The following KANK1 variants were observed in gnomAD, a reference collection of about 807,000 sequenced individuals.
KANK1 encodes KN motif and ankyrin repeat domain-containing protein 1.
KANK1 carries 109 observed loss-of-function variants against 106.2 expected under a neutral mutation model. That is an observed-to-expected ratio of 1.03 (90% CI 0.88 to 1.20). KANK1 has a LOEUF of 1.20. Ranked by LOEUF, KANK1 falls within the 50% of genes most tolerant of loss-of-function variation. The pLI, the probability that KANK1 is intolerant of heterozygous loss-of-function variation, is 0.00. For missense variants in KANK1, 2,399 were observed against 1,710.7 expected, an observed-to-expected ratio of 1.40 and a Z score of -7.10; for synonymous variants, 873 against 652.2, an observed-to-expected ratio of 1.34 and a Z score of -5.16.
In KANK1 at chr9:646,945, G is replaced by A. The variant is rs541864071; in HGVS notation, c.-83-29945G>A. Among the ~76,000 whole-genome samples, 248 of 150,720 alleles carry A rather than the reference G, an allele frequency of 1.6e-3. 2 individuals carry two copies. Among genetic ancestry groups the A allele is most frequent in the Admixed American group, 3.0e-3 (46 of 15,236 alleles). On this transcript the variant is annotated intron_variant, in intron 1 of 11. Transcript: ENST00000382297. ...ACTCCTGACCTGAAGTAATCCACCC[G>A]CCTCAGCCTCCCAAAGTATTGGGAT...
chr9:655,522 T>G (rs1205567016), intron 1 of KANK1, among the ~76,000 whole-genome samples: 1 of 152,164 alleles, frequency 6.6e-6, no homozygotes, highest in East Asian at 1.9e-4. Context: ...ACAAATCACC[T>G]GGGGGTCTTG....
chr9:625,831 G>C (rs1249301070), intron 1 of KANK1, among the ~76,000 whole-genome samples: 1 of 152,114 alleles, frequency 6.6e-6, no homozygotes, highest in Non-Finnish European at 1.5e-5. Flanking sequence ...TGACAGTTTA[G>C]CCTCTTTCTA....
chr9:558,075 G>A (rs1476866640), intron 1 of KANK1, among the ~76,000 whole-genome samples: 1 of 152,198 alleles, frequency 6.6e-6, no homozygotes, highest in South Asian at 2.1e-4. Flanking sequence ...GATCGGATTA[G>A]TCAGATGCTG....
chr9:656,268 A>T (rs1026731906), intron 1 of KANK1, among the ~76,000 whole-genome samples: 1 of 152,128 alleles, frequency 6.6e-6, no homozygotes, highest in South Asian at 2.1e-4. Context: ...TCAGAAGGAG[A>T]GAGGGAGAGA....
At chr9:594,129 T>A (rs1250879487) in intron 1 of KANK1, among the ~76,000 whole-genome samples, 1 of 151,538 alleles carries the variant, frequency 6.6e-6, no homozygotes, top group Non-Finnish European at 1.5e-5. Flanking sequence ...TTGTTGGGGG[T>A]TTTCACAGTA....
intron 1 of KANK1, among the ~76,000 whole-genome samples, chr9:652,227 G>T (rs1841044918): frequency 6.6e-6 from 1 of 152,122 alleles, no homozygotes; most frequent in Non-Finnish European, 1.5e-5. Context: ...TCATCAGAGT[G>T]TTTGCAGTGT....
chr9:499,065 C>A (rs1304289695), intron 3 of KANK1, among the ~76,000 whole-genome samples: 2 of 151,838 alleles, frequency 1.3e-5, no homozygotes, highest in Admixed American at 1.3e-4. Flanking sequence ...GTAGTCCCAG[C>A]TACTCGGGAG....
chr9:641,399 C>T (rs770132933), intron 1 of KANK1, among the ~76,000 whole-genome samples: 3 of 152,198 alleles, frequency 2.0e-5, no homozygotes, highest in Non-Finnish European at 4.4e-5. Flanking sequence ...GAACATCCAT[C>T]TTGGTGGTGA....
At chr9:624,373 G>C (rs950350596) in intron 1 of KANK1, among the ~76,000 whole-genome samples, 2 of 152,092 alleles carry the variant, frequency 1.3e-5, no homozygotes, top group African/African-American at 4.8e-5. Context: ...TGATTAATTT[G>C]ATTATGGGAA....
At chr9:580,403 A>G (rs1447589118) in intron 1 of KANK1, among the ~76,000 whole-genome samples, 2 of 152,204 alleles carry the variant, frequency 1.3e-5, no homozygotes, top group Admixed American at 1.3e-4. Flanking sequence ...GCAGGTTGCC[A>G]CTGCTGGCTC....
At chr9:552,028 C>G (rs1004649849) in intron 1 of KANK1, among the ~76,000 whole-genome samples, 1 of 152,070 alleles carries the variant, frequency 6.6e-6, no homozygotes, top group African/African-American at 2.4e-5. Context: ...TGTATTCCAG[C>G]CTGGGTAAGT....
intron 1 of KANK1, among the ~76,000 whole-genome samples, chr9:533,134 T>A (rs2060141897): frequency 6.6e-6 from 1 of 152,110 alleles, no homozygotes; most frequent in Non-Finnish European, 1.5e-5. Flanking sequence ...CAAAGCTGAG[T>A]GTGTGAGGTT....
chr9:736,767 A>G (rs758762728), intron 7 of KANK1, among the ~76,000 whole-genome samples: 1 of 152,198 alleles, frequency 6.6e-6, no homozygotes, highest in Admixed American at 6.5e-5. Flanking sequence ...ATTTGTATTC[A>G]TGAAAATACC....
chr9:678,501 G>A (rs1043449925), intron 2 of KANK1, among the ~76,000 whole-genome samples: 1 of 152,180 alleles, frequency 6.6e-6, no homozygotes, highest in Non-Finnish European at 1.5e-5. Flanking sequence ...GGCCGAGGGG[G>A]ATGGATCACC....
At chr9:476,561 T>C (rs1046401331) in intron 3 of KANK1, 2 of 152,052 alleles carry the variant, frequency 1.3e-5, no homozygotes, top group Admixed American at 6.5e-5. Context: ...TGGATTCCCA[T>C]CCAAAAGAAA....
rs542439112 is a variant in KANK1, at chr9:479,978, T to C, written c.-362+6705T>C. ...GATTTTTCCTGAAAACAGAAAAATA[T>C]GGGTTTTTTCCCTTCTCAGCAGGTT... On this transcript the variant is annotated intron_variant, in intron 3 of 15. Coordinates refer to the KANK1 transcript ENST00000382303. Among the ~76,000 whole-genome samples, 5 of 152,356 alleles carry C rather than the reference T, an allele frequency of 3.3e-5. No individual in the cohort carries two copies. The South Asian group carries it at 6.2e-4, about 19-fold the overall frequency.
At chr9:532,450 C>T (rs1227445940) in intron 1 of KANK1, among the ~76,000 whole-genome samples, 2 of 144,496 alleles carry the variant, frequency 1.4e-5, no homozygotes, top group African/African-American at 2.6e-5. Flanking sequence ...CATTGTTGTG[C>T]CACCATCATC....
chr9:563,917 C>T (rs894901281), intron 1 of KANK1, among the ~76,000 whole-genome samples: 1 of 152,148 alleles, frequency 6.6e-6, no homozygotes, highest in Non-Finnish European at 1.5e-5. Context: ...CAATAAAAAT[C>T]ACTGGTGCTT....
chr9:717,699 T>A (rs185846255), intron 3 of KANK1, among the ~76,000 whole-genome samples: 1 of 152,328 alleles, frequency 6.6e-6, no homozygotes, highest in East Asian at 1.9e-4. Context: ...AGTTTATTCT[T>A]CCTGTAAATC....
Sources: allele counts gnomAD v4.1 joint callset (sites outside exome capture counted in the v4.1 genomes callset), GRCh38; gene constraint gnomAD v4.1.1; transcripts MANE v1.5; gene names NCBI Gene and HGNC (gene_info 2026-07-23, HGNC 2026-07-21).